SDK1: variants seen among roughly 807,000 people sequenced by gnomAD.
SDK1 encodes the protein sidekick cell adhesion molecule 1.
In SDK1, 157 loss-of-function variants were observed where a neutral mutation model predicts 245.5. That is an observed-to-expected ratio of 0.64 (90% CI 0.56 to 0.73). The LOEUF (loss-of-function observed/expected upper bound fraction) is 0.73. SDK1 is among the 30% of genes least tolerant of loss of function. The pLI is 0.00. For synonymous variants in SDK1, 1,647 were observed against 1,278.5 expected, an observed-to-expected ratio of 1.29 and a Z score of -6.15; for missense variants, 3,583 against 3,002.3, an observed-to-expected ratio of 1.19 and a Z score of -4.52.
chr7:4,245,122 A>T (rs1000476275), intron 43 of SDK1, among the ~76,000 whole-genome samples: 3 of 152,112 alleles, frequency 2.0e-5, no homozygotes, highest in African/African-American at 7.2e-5. Flanking sequence ...AAAGGATGGG[A>T]TGATGGGGGT....
chr7:3,972,450 T>C (rs944845674), intron 12 of SDK1, among the ~76,000 whole-genome samples: 1 of 152,194 alleles, frequency 6.6e-6, no homozygotes, highest in Non-Finnish European at 1.5e-5. Context: ...CTGCAAAATA[T>C]GAGACTCCAG....
At position 4,134,911 on chromosome 7, in the gene SDK1, C is replaced by G. The variant is rs371158237; in HGVS notation, c.4228+2488C>G. On this transcript the variant is annotated intron_variant, in intron 28 of 44. Coordinates refer to ENST00000404826, the MANE Select transcript of SDK1 (RefSeq NM_152744.4). ...GCGTCCTTGCACACGTGGGGAGGCT[C>G]TGGCCTCAGCCGGCTCTAGGCCCCG... 1,013 of 152,478 alleles carry G rather than the reference C, an allele frequency of 6.6e-3. 22 individuals are homozygous for G. The South Asian group carries it at 0.075, about 11-fold the overall frequency. The allele number at this position is 152,478 out of a possible 1,614,324, so 9.4% of individuals were successfully genotyped here.
intron 1 of SDK1, among the ~76,000 whole-genome samples, chr7:3,474,225 C>G (rs1164211846): frequency 6.6e-6 from 1 of 150,960 alleles, no homozygotes; most frequent in Admixed American, 6.6e-5. Flanking sequence ...GCCTCAGCCT[C>G]CCAAGTAGTG....
chr7:3,474,091 G>GGTTT (rs1781268168), intron 1 of SDK1, among the ~76,000 whole-genome samples: 1 of 43,212 alleles, frequency 2.3e-5, no homozygotes. Flanking sequence ...ACCAGATGGT[G>GGTTT]TTTTTTTTTT....
At chr7:3,439,450 C>A (rs532856812) in intron 1 of SDK1, among the ~76,000 whole-genome samples, 1 of 152,086 alleles carries the variant, frequency 6.6e-6, no homozygotes, top group Non-Finnish European at 1.5e-5. Context: ...TAGATTGTTT[C>A]GGGTTTGGTC....
chr7:3,807,814 A>G (rs944914001), intron 4 of SDK1, among the ~76,000 whole-genome samples: 1 of 152,030 alleles, frequency 6.6e-6, no homozygotes, highest in Non-Finnish European at 1.5e-5. Context: ...AAATTATTTG[A>G]CCTCTGGTAG....
At chr7:4,192,804 G>C (rs536929302) in intron 35 of SDK1, among the ~76,000 whole-genome samples, 1 of 151,750 alleles carries the variant, frequency 6.6e-6, no homozygotes, top group African/African-American at 2.4e-5. Context: ...AAGGCAGCAC[G>C]GCCAGTCTGG....
intron 20 of SDK1, among the ~76,000 whole-genome samples, chr7:4,074,510 C>T (rs976919225): frequency 1.3e-5 from 2 of 152,020 alleles, no homozygotes; most frequent in Admixed American, 1.3e-4. Context: ...ATGGGGCAGG[C>T]TAGATGTCTT....
Position 3,458,352 on chromosome 7 carries a change from C to G in SDK1, c.298+156468C>G, listed in dbSNP as rs182683171. ...AAAAGTAGAGGGATTTTTGTCTATC[C>G]TAAGTGCCTAGAGCACTGTTTCCAT... On this transcript the variant is annotated intron_variant, in intron 1 of 44. Transcript: ENST00000404826. Among the ~76,000 whole-genome samples the G allele has an allele frequency of 2.2e-4, 34 of 152,082 alleles. No homozygotes were observed. The East Asian group carries it at 6.2e-3, about 28-fold the overall frequency.
chr7:4,159,500 C>T (rs1446734729), intron 31 of SDK1, among the ~76,000 whole-genome samples: 1 of 152,260 alleles, frequency 6.6e-6, no homozygotes, highest in East Asian at 1.9e-4. Flanking sequence ...ACACTTGCCC[C>T]TGGAAAAGCA....
At chr7:4,109,334 A>G (rs1783174332) in intron 22 of SDK1, among the ~76,000 whole-genome samples, 1 of 152,204 alleles carries the variant, frequency 6.6e-6, no homozygotes, top group African/African-American at 2.4e-5. Flanking sequence ...CTGCTTACAC[A>G]GTCTCCTCTG....
chr7:3,878,306 G>A (rs1038041408), intron 5 of SDK1, among the ~76,000 whole-genome samples: 1 of 152,156 alleles, frequency 6.6e-6, no homozygotes, highest in Non-Finnish European at 1.5e-5. Context: ...GGATCACGAG[G>A]TCAGCAGATC....
At chr7:3,468,367 G>T (rs753635845) in intron 1 of SDK1, among the ~76,000 whole-genome samples, 1 of 152,064 alleles carries the variant, frequency 6.6e-6, no homozygotes, top group Non-Finnish European at 1.5e-5. Context: ...TAGAAGCAAG[G>T]CTTTCTCTGA....
intron 5 of SDK1, among the ~76,000 whole-genome samples, chr7:3,830,351 G>T (rs766910909): frequency 6.6e-5 from 10 of 152,164 alleles, no homozygotes; most frequent in Non-Finnish European, 1.3e-4. Flanking sequence ...ATAGCTCATT[G>T]TTAGTAATTC....
chr7:3,653,078 G>A (rs1221981005), intron 4 of SDK1, among the ~76,000 whole-genome samples: 3 of 152,182 alleles, frequency 2.0e-5, no homozygotes, highest in Non-Finnish European at 4.4e-5. Context: ...ATCTGGTGAC[G>A]CAGATGAGAA....
chr7:3,618,062 A>G (rs1270090905), intron 1 of SDK1, among the ~76,000 whole-genome samples: 1 of 152,174 alleles, frequency 6.6e-6, no homozygotes, highest in Non-Finnish European at 1.5e-5. Context: ...TATTTTGCTG[A>G]TAAAGAAACA....
chr7:4,067,551 G>C (rs1779983939), intron 19 of SDK1, among the ~76,000 whole-genome samples: 1 of 152,216 alleles, frequency 6.6e-6, no homozygotes, highest in Non-Finnish European at 1.5e-5. Context: ...GTTCTAATCA[G>C]ATTAGATCAA....
At chr7:4,174,726 C>T (rs75144029) in intron 33 of SDK1, among the ~76,000 whole-genome samples, 89 of 152,232 alleles carry the variant, frequency 5.8e-4, no homozygotes, top group East Asian at 3.7e-3. Context: ...GGACAGGCCC[C>T]GCCTGTCTGT....
intron 5 of SDK1, among the ~76,000 whole-genome samples, chr7:3,910,328 G>C (rs981011850): frequency 2.0e-5 from 3 of 152,148 alleles, no homozygotes; most frequent in African/African-American, 7.2e-5. Context: ...CTCTTGTCAG[G>C]CACATTCTTC....
Sources: gnomAD v4.1 joint callset for allele counts (sites outside exome capture counted in the v4.1 genomes callset) on GRCh38, gnomAD v4.1.1 for gene constraint, MANE v1.5 for transcripts, NCBI Gene and HGNC (gene_info 2026-07-23, HGNC 2026-07-21) for gene names.